Variants in UNC13C observed in about 807,000 individuals in gnomAD.
UNC13C encodes the protein unc-13 homolog C.
In UNC13C, 174 loss-of-function variants were observed where a neutral mutation model predicts 245.4. The ratio of observed to expected loss-of-function variants is 0.71; its 90% CI spans 0.63 to 0.80. The LOEUF is 0.80. Ranked by LOEUF, UNC13C falls within the 30% of genes least tolerant of loss-of-function variation. UNC13C has a pLI of 0.00. For missense variants in UNC13C, 2,829 were observed against 2,602.9 expected (o/e 1.09, Z -1.89); for synonymous variants, 992 against 895.1 (o/e 1.11, Z -1.93).
intron 4 of UNC13C, among the ~76,000 whole-genome samples, chr15:54,213,008 C>T (rs890547940): frequency 2.0e-5 from 3 of 151,956 alleles, no homozygotes; most frequent in African/African-American, 7.2e-5. Context: ...ATTTGTTTTT[C>T]AATTTTTAGA....
chr15:54,065,516 C>T (rs190346283), intron 2 of UNC13C, among the ~76,000 whole-genome samples: 3 of 152,294 alleles, frequency 2.0e-5, no homozygotes, highest in Admixed American at 1.3e-4. Context: ...TAAGAAACAT[C>T]CCCCAAATCT....
At chr15:53,893,065 T>C in the UNC13C span, among the ~76,000 whole-genome samples, 1 of 152,158 alleles carries the variant, frequency 6.6e-6, no homozygotes, top group Non-Finnish European at 1.5e-5. Flanking sequence ...TGAGTAGACT[T>C]GCTATTCATT....
the UNC13C span, among the ~76,000 whole-genome samples, chr15:53,935,883 TTGG>T: frequency 6.6e-6 from 1 of 152,122 alleles, no homozygotes; most frequent in Non-Finnish European, 1.5e-5. Context: ...GTGCAAAGTC[TTGG>T]TGGGGTGCAG....
chr15:54,483,263 T>G (rs1261498832), intron 19 of UNC13C, among the ~76,000 whole-genome samples: 5 of 152,280 alleles, frequency 3.3e-5, no homozygotes. Flanking sequence ...TTGGTGACAG[T>G]GTCTGTCAAC....
At chr15:53,841,086 TG>T in the UNC13C span, among the ~76,000 whole-genome samples, 4 of 152,174 alleles carry the variant, frequency 2.6e-5, no homozygotes, top group African/African-American at 9.7e-5. Flanking sequence ...TGCTTTCATT[TG>T]CCTTTTTGAC....
chr15:54,555,376 A>G, intron 28 of UNC13C, 56 bp from the exon 29 acceptor site: 1 of 1,411,970 alleles, frequency 7.1e-7, no homozygotes, highest in Non-Finnish European at 1.0e-6. Context: ...GTTTTCAAGT[A>G]GTTGTTGAAT....
intron 5 of UNC13C, among the ~76,000 whole-genome samples, chr15:54,235,798 C>T (rs2035680061): frequency 6.6e-6 from 1 of 152,002 alleles, no homozygotes; most frequent in South Asian, 2.1e-4. Context: ...TTGCGTGAGC[C>T]GAGATTGCGC....
chr15:54,246,055 C>A (rs1205386552), intron 7 of UNC13C, among the ~76,000 whole-genome samples: 1 of 152,148 alleles, frequency 6.6e-6, no homozygotes, highest in African/African-American at 2.4e-5. Flanking sequence ...TCTGAAAACA[C>A]TAGTCATTGC....
intron 19 of UNC13C, among the ~76,000 whole-genome samples, chr15:54,451,806 T>C (rs1891193692): frequency 1.3e-5 from 2 of 152,236 alleles, no homozygotes; most frequent in African/African-American, 2.4e-5. Context: ...TTGTGTTTTT[T>C]TGGAAGTGTC....
At chr15:54,119,810 A>C (rs898589230) in intron 2 of UNC13C, among the ~76,000 whole-genome samples, 2 of 152,192 alleles carry the variant, frequency 1.3e-5, no homozygotes, top group Admixed American at 1.3e-4. Flanking sequence ...TCATATAAAG[A>C]AAGTTTTAGT....
chr15:54,452,545 G>A (rs1043617580), intron 19 of UNC13C, among the ~76,000 whole-genome samples: 1 of 152,202 alleles, frequency 6.6e-6, no homozygotes, highest in African/African-American at 2.4e-5. Context: ...GATAGGGCAG[G>A]ACAATCCCAA....
the UNC13C span, among the ~76,000 whole-genome samples, chr15:53,873,453 T>C: frequency 6.6e-6 from 1 of 152,218 alleles, no homozygotes; most frequent in Non-Finnish European, 1.5e-5. Flanking sequence ...AGGAAACTCA[T>C]GGAGCAGCTT....
intron 2 of UNC13C, among the ~76,000 whole-genome samples, chr15:54,137,793 T>C (rs1226394705): frequency 6.6e-6 from 1 of 152,196 alleles, no homozygotes; most frequent in Non-Finnish European, 1.5e-5. Flanking sequence ...ATCTATCTTT[T>C]CCATTGTCAT....
chr15:54,202,014 C>A (rs1408521809), intron 4 of UNC13C, among the ~76,000 whole-genome samples: 1 of 151,938 alleles, frequency 6.6e-6, no homozygotes, highest in Non-Finnish European at 1.5e-5. Flanking sequence ...CTGCTATACA[C>A]CAGCAATGAG....
At chr15:54,276,134 A>T (rs2036825966) in intron 10 of UNC13C, among the ~76,000 whole-genome samples, 1 of 152,124 alleles carries the variant, frequency 6.6e-6, no homozygotes, top group Admixed American at 6.5e-5. Context: ...TAAGGAAAGG[A>T]AAGGATGAGA....
the UNC13C span, among the ~76,000 whole-genome samples, chr15:53,929,898 G>A: frequency 1.2e-3 from 186 of 152,208 alleles, 1 homozygote; most frequent in African/African-American, 3.8e-3. Flanking sequence ...AGATGCTACC[G>A]GTGATACAGA....
intron 30 of UNC13C, among the ~76,000 whole-genome samples, chr15:54,616,908 T>C (rs1900475519): frequency 6.6e-6 from 1 of 152,064 alleles, no homozygotes; most frequent in Non-Finnish European, 1.5e-5. Flanking sequence ...CTTGTTTTTA[T>C]GTTTTATACT....
chr15:54,338,523 C>G, intron 17 of UNC13C, 34 bp downstream of exon 17: 2 of 1,604,250 alleles, frequency 1.2e-6, no homozygotes, highest in Non-Finnish European at 1.7e-6. Context: ...ATAATCGCCA[C>G]TTTTGTTTCT....
chr15:54,557,576 C>T (rs188331317), intron 29 of UNC13C, among the ~76,000 whole-genome samples: 6 of 151,610 alleles, frequency 4.0e-5, no homozygotes, highest in Admixed American at 6.6e-5. Flanking sequence ...AATGTCTCCC[C>T]GGAGCCCAGC....
Sources: gnomAD v4.1 joint callset for allele counts (sites outside exome capture counted in the v4.1 genomes callset) on GRCh38, gnomAD v4.1.1 for gene constraint, MANE v1.5 for transcripts, NCBI Gene and HGNC (gene_info 2026-07-23, HGNC 2026-07-21) for gene names.